GFM1: variants seen among roughly 807,000 people sequenced by gnomAD.
GFM1 encodes the protein G elongation factor mitochondrial 1.
GFM1 carries 62 observed loss-of-function variants against 96.2 expected under a neutral mutation model. The ratio of observed to expected loss-of-function variants is 0.64; its 90% CI spans 0.53 to 0.80. The LOEUF (loss-of-function observed/expected upper bound fraction) is 0.80, where lower values mean the gene tolerates loss of function less well. Ranked by LOEUF, GFM1 falls within the 30% of genes least tolerant of loss-of-function variation. The pLI is 0.00. For missense variants in GFM1, 852 were observed against 916.6 expected, an observed-to-expected ratio of 0.93 and a Z score of 0.91; for synonymous variants, 282 against 312.9, an observed-to-expected ratio of 0.90 and a Z score of 1.04.
chr3:158,652,351 T>A, intron 6 of GFM1, 105 bp downstream of exon 6: 4 of 939,094 alleles, frequency 4.3e-6, no homozygotes, highest in Non-Finnish European at 6.8e-6. Context: ...ATTAATGAAA[T>A]CTCAATACAT....
intron 8 of GFM1, chr3:158,656,538 C>G (rs915423398): frequency 6.6e-6 from 1 of 152,270 alleles, no homozygotes; most frequent in East Asian, 1.9e-4. Context: ...AGTTACTGTA[C>G]TCTTTTTATT....
chr3:158,674,937 G>C (rs1194080439), intron 13 of GFM1, among the ~76,000 whole-genome samples: 3 of 152,160 alleles, frequency 2.0e-5, no homozygotes, highest in African/African-American at 4.8e-5. Context: ...TTTAAAAAAT[G>C]TGTAAAAATT....
intron 13 of GFM1, among the ~76,000 whole-genome samples, chr3:158,681,208 A>G (rs954088898): frequency 1.3e-5 from 2 of 152,182 alleles, no homozygotes; most frequent in Non-Finnish European, 2.9e-5. Flanking sequence ...TTATGTGCTA[A>G]TAATTTTGAA....
At chr3:158,673,508 CTTTT>C (rs766011688) in intron 13 of GFM1, among the ~76,000 whole-genome samples, 23 of 114,272 alleles carry the variant, frequency 2.0e-4, no homozygotes, top group African/African-American at 2.5e-4. Context: ...CTTTTCTTTT[CTTTT>C]TTTTTTTTTT....
chr3:158,661,659 A>G (rs1390030441), intron 10 of GFM1, among the ~76,000 whole-genome samples: 1 of 152,128 alleles, frequency 6.6e-6, no homozygotes, highest in African/African-American at 2.4e-5. Context: ...AAACTCTCTT[A>G]CATTATGACC....
chr3:158,647,130 A>T (rs1028167060), intron 4 of GFM1, among the ~76,000 whole-genome samples, 183 bp downstream of exon 4: 14 of 152,224 alleles, frequency 9.2e-5, no homozygotes, highest in African/African-American at 3.1e-4. Context: ...TGATCTCATC[A>T]ACTACCTTAT....
At chr3:158,686,283 A>G (rs1725833142) in intron 15 of GFM1, among the ~76,000 whole-genome samples, 1 of 148,040 alleles carries the variant, frequency 6.8e-6, no homozygotes, top group African/African-American at 2.4e-5. Flanking sequence ...TATATAAACC[A>G]TATAAAGTAT....
rs75797242 is a variant in GFM1 at position 158,672,084 on chromosome 3, T to C, written c.1601+5698T>C. 4.7e-4 allele frequency among the ~76,000 whole-genome samples: 72 copies of C among 152,336 alleles called. No homozygotes were observed. In the South Asian group the frequency reaches 0.012, roughly 25 times the overall value. On this transcript the variant is annotated intron_variant, in intron 13 of 17. Coordinates refer to ENST00000486715, the MANE Select transcript of GFM1 (RefSeq NM_024996.7). ...AAAGTGCTGCCCCTTACCTAGAGCGTGTTCCCGTTTTCTTGTAACTGTGTG... is the reference window on the plus strand; with the variant it reads ...AAAGTGCTGCCCCTTACCTAGAGCGCGTTCCCGTTTTCTTGTAACTGTGTG...
Position 158,684,536 on chromosome 3 carries a change from G to A in GFM1, c.1777G>A (p.Ala593Thr), listed in dbSNP as rs148522036. 6.2e-7 allele frequency: 1 copy of A among 1,614,052 alleles called. No individual in the cohort carries two copies. The highest frequency in any genetic ancestry group is 1.6e-4 in the Middle Eastern group (1 of 6,062). ...CATTCATTAACAGGGGTTTTTAGAT[G>A]CCTGCGAGAAGGGCCCTCTTTCTGG... ...VPAVEKGFLD[A>T]CEKGPLSGHK... is the part of the protein sequence containing the mutation. Residue 593 changes from alanine to threonine, a missense_variant, in exon 15 of 18, where the codon GCC (alanine) becomes ACC (threonine). Transcript: ENST00000486715.
rs187363336 is a variant in GFM1, at chr3:158,694,126, A to C, written c.*2659A>C. ...ATCATTCTATTATAAAGACACATGC[A>C]TGCACACATTCATTGCAGAACTGTT... On this transcript the variant is annotated 3_prime_UTR_variant, in exon 18 of 18. Transcript: ENST00000486715. 1.3e-5 allele frequency among the ~76,000 whole-genome samples: 2 copies of C among 152,312 alleles called. No homozygotes were observed. Among genetic ancestry groups the C allele is most frequent in the East Asian group, 3.9e-4 (2 of 5,188 alleles).
intron 13 of GFM1, chr3:158,669,279 G>C: frequency 2.5e-6 from 3 of 1,190,426 alleles, no homozygotes; most frequent in Non-Finnish European, 3.5e-6. Context: ...AATTTCTGAG[G>C]CCTCTTTTTT....
At chr3:158,663,705 T>A (rs1054200828) in intron 11 of GFM1, among the ~76,000 whole-genome samples, 3 of 152,228 alleles carry the variant, frequency 2.0e-5, no homozygotes, top group African/African-American at 7.2e-5. Flanking sequence ...AACTTATGCT[T>A]ATGTATTATG....
chr3:158,666,215 G>T, intron 12 of GFM1, 89 bp from the exon 13 acceptor site: 1 of 848,250 alleles, frequency 1.2e-6, no homozygotes, highest in South Asian at 1.5e-5. Flanking sequence ...ATATTTAAGT[G>T]AATGCTACTA....
In GFM1 at chr3:158,646,206, G is replaced by A. The variant is rs1245490904; in HGVS notation, c.276G>A (p.Met92Ile). 2 of 1,613,860 alleles carry A rather than the reference G, an allele frequency of 1.2e-6. No individual in the cohort carries two copies. The highest frequency in any genetic ancestry group is 1.3e-5 in the African/African-American group (1 of 74,926). ...GAGTTGGTGCTGTCATGGATTCCAT[G>A]GAACTAGAGAGACAAAGAGGAATCA... is the stretch of plus-strand genomic sequence containing the variant. Reference protein sequence around the residue: ...KDGVGAVMDSMELERQRGITI... With the variant: ...KDGVGAVMDSIELERQRGITI... The change falls in exon 3 of 18, where the codon ATG becomes ATA. Residue 92 changes from methionine to isoleucine, a missense_variant. Physicochemically the swap from Met to Ile is conservative, Grantham distance 10 (BLOSUM62 1). Coordinates refer to ENST00000486715, the MANE Select transcript of GFM1 (RefSeq NM_024996.7).
At chr3:158,646,024 C>T in intron 2 of GFM1, 141 bp from the exon 3 acceptor site, 1 of 1,087,588 alleles carries the variant, frequency 9.2e-7, no homozygotes, top group Non-Finnish European at 1.4e-6. Flanking sequence ...CTCAAATTAT[C>T]ATCCTGCCTC....
chr3:158,667,210 T>C (rs1345148607), intron 13 of GFM1: 4 of 992,764 alleles, frequency 4.0e-6, no homozygotes, highest in Non-Finnish European at 5.6e-6. Context: ...AATGTCATAA[T>C]TTCAATTTAA....
chr3:158,672,644 T>A, intron 13 of GFM1: 1 of 762,554 alleles, frequency 1.3e-6, no homozygotes, highest in Non-Finnish European at 2.0e-6. Context: ...CGGAAGCTGC[T>A]GTTTGGGCCC....
rs542151715 is a variant in GFM1 at position 158,691,090 on chromosome 3, A to G, written c.2071-49A>G. On this transcript the variant is annotated intron_variant, in intron 16 of 17. Transcript: ENST00000486715. The stretch of plus-strand genomic sequence containing the variant: ...CTAAAATGCGTCTGTATTTTTCTCA[A>G]ATATTTTCCAATAAGCAGTGCTAAA... The G allele has an allele frequency of 1.1e-5, 14 of 1,282,686 alleles. No homozygotes were observed. In the African/African-American group the frequency reaches 1.3e-4, roughly 12 times the overall value. 79.5% of individuals were successfully genotyped at this position (1,282,686 alleles called of 1,614,324 possible). A position where few individuals can be genotyped will look rare whatever the true frequency, so the allele number is the denominator to read the frequency against.
chr3:158,644,977 A>G (rs949693173), intron 1 of GFM1: 6 of 356,416 alleles, frequency 1.7e-5, no homozygotes, highest in African/African-American at 1.3e-4. Flanking sequence ...CACCTTTTCT[A>G]AGGTTTTTTT....
Sources: allele counts gnomAD v4.1 joint callset (sites outside exome capture counted in the v4.1 genomes callset), GRCh38; gene constraint gnomAD v4.1.1; transcripts MANE v1.5; gene names NCBI Gene and HGNC (gene_info 2026-07-23, HGNC 2026-07-21).